FAM83D: variants seen among roughly 807,000 people sequenced by gnomAD.
The protein encoded by FAM83D is protein FAM83D.
In FAM83D, 26 loss-of-function variants were observed where a neutral mutation model predicts 25.4. That is an observed-to-expected ratio of 1.02 (90% CI 0.75 to 1.42). The LOEUF is 1.42. FAM83D is among the 40% of genes most tolerant of loss of function. The pLI, the probability that FAM83D is intolerant of heterozygous loss-of-function variation, is 0.00. For synonymous variants in FAM83D, 310 were observed against 318.5 expected (o/e 0.97, Z 0.28); for missense variants, 740 against 758.1 (o/e 0.98, Z 0.28).
chr20:38,951,283 C>CAA (rs1227731780), intron 3 of FAM83D, among the ~76,000 whole-genome samples: 1 of 152,096 alleles, frequency 6.6e-6, no homozygotes, highest in African/African-American at 2.4e-5. Context: ...AACAAACAAA[C>CAA]AAACAAAAAA....
At chr20:38,936,099 G>A (rs149573184) in intron 1 of FAM83D, among the ~76,000 whole-genome samples, 3 of 152,248 alleles carry the variant, frequency 2.0e-5, no homozygotes, top group African/African-American at 7.2e-5. Flanking sequence ...GATCTTTGGT[G>A]GAATTCCAAG....
chr20:38,929,373 G>T (rs968461686), intron 1 of FAM83D, among the ~76,000 whole-genome samples: 6 of 152,130 alleles, frequency 3.9e-5, no homozygotes, highest in African/African-American at 1.4e-4. Context: ...TGCAGGTACT[G>T]CGGAAAGGGC....
Position 38,940,600 on chromosome 20 carries a change from A to G in FAM83D, c.484-1359A>G, listed in dbSNP as rs143707482. Among the ~76,000 whole-genome samples the G allele has an allele frequency of 7.2e-3, 1,103 of 152,302 alleles. 11 individuals carry two copies. Among genetic ancestry groups the G allele is most frequent in the African/African-American group, 0.02 (834 of 41,548 alleles). Reference sequence around the variant, plus strand: ...ATGGGGAGGAAGGAGAAACCCTTATATCTCCAGACTACAGAAGAGCCCCCA... The same window carrying G: ...ATGGGGAGGAAGGAGAAACCCTTATGTCTCCAGACTACAGAAGAGCCCCCA... On this transcript the variant is annotated intron_variant, in intron 1 of 3. Coordinates refer to ENST00000619850, the MANE Select transcript of FAM83D (RefSeq NM_030919.3).
In FAM83D at chr20:38,942,096, G is replaced by C; in HGVS notation, c.621G>C (p.Met207Ile). 6.2e-7 allele frequency: 1 copy of C among 1,614,200 alleles called. No homozygotes were observed. The highest frequency in any genetic ancestry group is 8.5e-7 in the Non-Finnish European group (1 of 1,180,026). ...ALLSQFLDMC[M>I]DLKVHPEQEK... ...TCTCTCAATTTCTGGATATGTGCAT[G>C]GATCTGAAAGTTCATCCTGAACAGG... Residue 207 changes from methionine to isoleucine, a missense_variant, in exon 2 of 4, where the codon ATG (methionine) becomes ATC (isoleucine). Coordinates refer to ENST00000619850, the MANE Select transcript of FAM83D (RefSeq NM_030919.3).
chr20:38,929,384 TAAAG>T (rs978467455), intron 1 of FAM83D, among the ~76,000 whole-genome samples: 1 of 151,990 alleles, frequency 6.6e-6, no homozygotes. Context: ...CGGAAAGGGC[TAAAG>T]AAAGAAAGTC....
Position 38,952,272 on chromosome 20 carries a change from AATCCTGGCT to A in FAM83D, c.1515_1523del (p.Gly506_Pro508del). ...TTCCATCAGAACCACTGACTTCCAC[AATCCTGGCT>A]ATCCCAAGTACCTGGGCACCCCCCA... On this transcript the variant is annotated inframe_deletion, in exon 4 of 4. Coordinates refer to ENST00000619850, the MANE Select transcript of FAM83D (RefSeq NM_030919.3). 2 of 1,614,146 alleles carry A rather than the reference AATCCTGGCT, an allele frequency of 1.2e-6. No homozygotes were observed. Among genetic ancestry groups the A allele is most frequent in the Non-Finnish European group, 1.7e-6 (2 of 1,180,026 alleles).
intron 2 of FAM83D, among the ~76,000 whole-genome samples, chr20:38,944,585 G>A (rs1358473937): frequency 6.6e-6 from 1 of 152,226 alleles, no homozygotes; most frequent in African/African-American, 2.4e-5. Context: ...CACCGGTTCA[G>A]TTGCCTACTG....
At chr20:38,948,543 A>G (rs1319141116) in intron 3 of FAM83D, among the ~76,000 whole-genome samples, 2 of 152,232 alleles carry the variant, frequency 1.3e-5, no homozygotes, top group Admixed American at 1.3e-4. Context: ...TGGCAATGGC[A>G]TCTTAAGGTA....
chr20:38,947,758 C>A, intron 2 of FAM83D, 118 bp from the exon 3 acceptor site: 1 of 1,229,032 alleles, frequency 8.1e-7, no homozygotes, highest in Non-Finnish European at 1.2e-6. Context: ...CTAAGCCACG[C>A]ATATGCCAAT....
chr20:38,942,004 A>G lies in FAM83D; in HGVS notation c.529A>G (p.Arg177Gly), dbSNP rs2085704556. The G allele has an allele frequency of 2.5e-6, 4 of 1,614,248 alleles. No homozygotes were observed. In the East Asian group the frequency reaches 8.9e-5, roughly 36 times the overall value. Residue 177 changes from arginine to glycine, a missense_variant, in exon 2 of 4, where the codon AGA becomes GGA. Arg to Gly is a moderately radical substitution (Grantham distance 125, BLOSUM62 -2). Coordinates refer to ENST00000619850, the MANE Select transcript of FAM83D (RefSeq NM_030919.3). ...MDVFTDIDIF[R>G]DLQEICRKQG... ...CGTGTTCACAGACATCGACATCTTC[A>G]GAGACCTGCAAGAAATATGCAGGAA...
chr20:38,940,526 T>C (rs750793011), intron 1 of FAM83D, among the ~76,000 whole-genome samples: 3 of 152,136 alleles, frequency 2.0e-5, no homozygotes, highest in East Asian at 1.9e-4. Context: ...ATCCTAACTT[T>C]CAGAAAAAGA....
rs1418880392 is a variant in FAM83D at position 38,926,880 on chromosome 20, C to T, written c.438C>T (p.Tyr146=). ...GCGGCGCTGGCGAAGGTGGCCCCTA[C>T]GGCTGCAAGGACGCTCTGCGCCAGC... ...QPRGAGEGGP[Y]GCKDALRQQL... Residue 146 remains tyrosine (Y), a synonymous_variant, in exon 1 of 4, where the codon TAC becomes TAT. Transcript: ENST00000619850. 1.3e-6 allele frequency: 2 copies of T among 1,501,566 alleles called. No homozygotes were observed. The highest frequency in any genetic ancestry group is 2.5e-5 in the East Asian group (1 of 40,004). The allele number at this position is 1,501,566 out of a possible 1,614,324, so 93.0% of individuals were successfully genotyped here.
chr20:38,942,981 A>G (rs1374124025), intron 2 of FAM83D, among the ~76,000 whole-genome samples: 1 of 150,386 alleles, frequency 6.6e-6, no homozygotes, highest in Non-Finnish European at 1.5e-5. Flanking sequence ...CACAGCAACC[A>G]GTATTTTTTG....
Position 38,926,735 on chromosome 20 carries a change from C to T in FAM83D, c.293C>T (p.Ser98Leu). 1 of 1,530,432 alleles carries T rather than the reference C, an allele frequency of 6.5e-7. No individual in the cohort carries two copies. The highest frequency in any genetic ancestry group is 8.7e-7 in the Non-Finnish European group (1 of 1,145,274). The allele number at this position is 1,530,432 out of a possible 1,614,324, so 94.8% of individuals were successfully genotyped here. Residue 98 changes from serine to leucine, a missense_variant, in exon 1 of 4, where the codon TCG becomes TTG. Transcript: ENST00000619850. ...TTCGGCTCCTCGCACGACTGCTCTT[C>T]GGGCACCTACTTCCCCGAGCAGTCG... ...DSFGSSHDCSSGTYFPEQSDL... is the reference protein window; with the variant it reads ...DSFGSSHDCSLGTYFPEQSDL...
At position 38,950,819 on chromosome 20, in the gene FAM83D, T is replaced by C. The variant is rs537190752; in HGVS notation, c.777-720T>C. Among the ~76,000 whole-genome samples the C allele has an allele frequency of 2.4e-4, 36 of 150,064 alleles. 1 individual carries two copies. The South Asian group carries it at 7.1e-3, about 29-fold the overall frequency. ...AGCCCTATTTTTTATTTTTAATTAA[T>C]TTTTTGAGATGGAGTCTCGCCCAGT... On this transcript the variant is annotated intron_variant, in intron 3 of 3. Coordinates refer to ENST00000619850, the MANE Select transcript of FAM83D (RefSeq NM_030919.3).
Position 38,926,600 on chromosome 20 carries a change from G to C in FAM83D, c.158G>C (p.Arg53Pro), listed in dbSNP as rs1481226968. ...GAAGCCTTCGCGGCCTTCCTGCGAC[G>C]CGAGCGCCTGGCTCGTTTCCTGAAC... ...GPEAFAAFLR[R>P]ERLARFLNPD... is the part of the protein sequence containing the mutation. The change falls in exon 1 of 4, where the codon CGC becomes CCC. Residue 53 changes from arginine (R) to proline (P), a missense_variant. This residue lies in a region of FAM83D where 333 missense variants were observed against 298.6 expected (regional missense o/e 1.12). Transcript: ENST00000619850. 1.9e-6 allele frequency: 3 copies of C among 1,544,728 alleles called. No homozygotes were observed. Among genetic ancestry groups the C allele is most frequent in the Non-Finnish European group, 2.6e-6 (3 of 1,151,410 alleles).
chr20:38,936,806 G>A (rs992659764), intron 1 of FAM83D, among the ~76,000 whole-genome samples: 1 of 152,084 alleles, frequency 6.6e-6, no homozygotes, highest in Non-Finnish European at 1.5e-5. Flanking sequence ...GCACTTTTGA[G>A]CTTTTGTGCA....
chr20:38,928,903 G>A (rs957168736), intron 1 of FAM83D, among the ~76,000 whole-genome samples: 3 of 152,212 alleles, frequency 2.0e-5, no homozygotes, highest in African/African-American at 7.2e-5. Context: ...TATTGGCTGG[G>A]CACAGTGGCT....
At chr20:38,930,430 C>G (rs1213037765) in intron 1 of FAM83D, among the ~76,000 whole-genome samples, 1 of 152,102 alleles carries the variant, frequency 6.6e-6, no homozygotes, top group Non-Finnish European at 1.5e-5. Flanking sequence ...TGGGCTCAAG[C>G]CCAAGTCTGT....
Sources: gnomAD v4.1 joint callset for allele counts (sites outside exome capture counted in the v4.1 genomes callset) on GRCh38, gnomAD v4.1.1 for gene constraint, gnomAD v4.1.1 regional missense constraint, MANE v1.5 for transcripts, NCBI Gene and HGNC (gene_info 2026-07-23, HGNC 2026-07-21) for gene names.